Variants in DENND2D observed in about 807,000 individuals in gnomAD.
The protein encoded by DENND2D is DENN domain containing 2D.
In DENND2D, 37 loss-of-function variants were observed where a neutral mutation model predicts 59.8. The ratio of observed to expected loss-of-function variants is 0.62; its 90% confidence interval spans 0.48 to 0.81. The LOEUF (loss-of-function observed/expected upper bound fraction) is 0.81. Among genes scored for constraint, DENND2D ranks in the 40% least tolerant of loss-of-function variants. DENND2D has a pLI of 0.00. For synonymous variants in DENND2D, 219 were observed against 211.3 expected, an observed-to-expected ratio of 1.04 and a Z score of -0.31; for missense variants, 525 against 579.7, an observed-to-expected ratio of 0.91 and a Z score of 0.97.
At position 111,187,794 on chromosome 1, in the gene DENND2D, C is replaced by T. The variant is rs1424893458; in HGVS notation, c.1340-113G>A. 4.5e-6 allele frequency: 4 copies of T among 896,770 alleles called. No homozygotes were observed. In the African/African-American group the frequency reaches 6.7e-5, roughly 15 times the overall value. 55.6% of individuals were successfully genotyped at this position (896,770 alleles called of 1,614,324 possible). On this transcript the variant is annotated intron_variant, in intron 11 of 11. Coordinates refer to ENST00000357640, the MANE Select transcript of DENND2D (RefSeq NM_024901.5). ...TCTGCTCCCCATACTGCCATCCCTG[C>T]CAGGATGTCTCTGGCCTCACAGGTT...
chr1:111,186,939 C>A lies in DENND2D; in HGVS notation c.*666G>T, dbSNP rs527825625. Among the ~76,000 whole-genome samples, 1 of 152,138 alleles carries A rather than the reference C, an allele frequency of 6.6e-6. No homozygotes were observed. Among genetic ancestry groups the A allele is most frequent in the African/African-American group, 2.4e-5 (1 of 41,424 alleles). On this transcript the variant is annotated 3_prime_UTR_variant, in exon 12 of 12. Coordinates refer to ENST00000357640, the MANE Select transcript of DENND2D (RefSeq NM_024901.5). ...TCCTCCCAGGATTCTGGAAAGCACA[C>A]CTGACTCCAAACCAAGGACTTAGAT...
chr1:111,186,240 G>A lies in DENND2D; in HGVS notation c.*1365C>T, dbSNP rs568600390. On this transcript the variant is annotated 3_prime_UTR_variant, in exon 12 of 12. Coordinates refer to ENST00000357640, the MANE Select transcript of DENND2D (RefSeq NM_024901.5). ...TTTTCACAAGATTCTCAGGATTCCA[G>A]TTCCTGTTCTGAAACCTTTGGAGGT... 1.3e-5 allele frequency among the ~76,000 whole-genome samples: 2 copies of A among 152,220 alleles called. No homozygotes were observed. Among genetic ancestry groups the A allele is most frequent in the Admixed American group, 6.5e-5 (1 of 15,290 alleles).
intron 2 of DENND2D, 93 bp downstream of exon 2, chr1:111,199,530 G>T: frequency 1.4e-6 from 2 of 1,438,460 alleles, no homozygotes; most frequent in Non-Finnish European, 9.4e-7. Flanking sequence ...TCAAGCCCCG[G>T]TAGGGTAGGG....
At chr1:111,188,584 A>C in intron 10 of DENND2D, 118 bp downstream of exon 10, 1 of 1,178,746 alleles carries the variant, frequency 8.5e-7, no homozygotes, top group Admixed American at 2.1e-5. Flanking sequence ...CCTAGGTTCT[A>C]GGCCTCTAGG....
intron 1 of DENND2D, 143 bp from the exon 2 acceptor site, chr1:111,199,941 A>C: frequency 9.2e-7 from 1 of 1,089,288 alleles, no homozygotes; most frequent in Non-Finnish European, 1.3e-6. Flanking sequence ...ACCACCAGTC[A>C]CTCAGGATCA....
intron 5 of DENND2D, 29 bp downstream of exon 5, chr1:111,197,147 G>A (rs779339598): frequency 2.2e-5 from 17 of 769,012 alleles, no homozygotes; most frequent in Non-Finnish European, 3.0e-5. Context: ...CCTGGAATAT[G>A]GGCAGGCCCT....
rs574005558 is a variant in DENND2D at position 111,191,678 on chromosome 1, T to C, written c.972+462A>G. On this transcript the variant is annotated intron_variant, in intron 8 of 11. Coordinates refer to ENST00000357640, the MANE Select transcript of DENND2D (RefSeq NM_024901.5). ...GACTTGCTGCAAAAATCTGCATTTTTAAGACTCATAGTTTGCCAGAGGGCC... is the reference window on the plus strand; with the variant it reads ...GACTTGCTGCAAAAATCTGCATTTTCAAGACTCATAGTTTGCCAGAGGGCC... Among the ~76,000 whole-genome samples, 19 of 152,362 alleles carry C rather than the reference T, an allele frequency of 1.2e-4. No homozygotes were observed. The South Asian group carries it at 1.7e-3, about 13-fold the overall frequency.
intron 11 of DENND2D, among the ~76,000 whole-genome samples, 146 bp downstream of exon 11, chr1:111,187,978 TAGGTTTC>T (rs1180109876): frequency 6.6e-6 from 1 of 152,238 alleles, no homozygotes; most frequent in African/African-American, 2.4e-5. Context: ...GACATTTTCT[TAGGTTTC>T]AGGTTATGTC....
chr1:111,186,730 A>C lies in DENND2D; in HGVS notation c.*875T>G, dbSNP rs1451153245. ...AAAGAATTGGACTGTGCTGCTCAAA[A>C]TAAAGATCAGTTGGAGGTAGGATGT... On this transcript the variant is annotated 3_prime_UTR_variant, in exon 12 of 12. Coordinates refer to ENST00000357640, the MANE Select transcript of DENND2D (RefSeq NM_024901.5). Among the ~76,000 whole-genome samples the C allele has an allele frequency of 6.6e-6, 1 of 152,204 alleles. No individual in the cohort carries two copies. Among genetic ancestry groups the C allele is most frequent in the Non-Finnish European group, 1.5e-5 (1 of 68,034 alleles).
In DENND2D at chr1:111,193,964, T is replaced by G. The variant is rs74121060; in HGVS notation, c.794+614A>C. On this transcript the variant is annotated intron_variant, in intron 7 of 11. Coordinates refer to ENST00000357640, the MANE Select transcript of DENND2D (RefSeq NM_024901.5). ...AGGTACCTAATGTGCATTATTTCATTTAATCCTCACCACAACCTTATGAGG... is the reference window on the plus strand; with the variant it reads ...AGGTACCTAATGTGCATTATTTCATGTAATCCTCACCACAACCTTATGAGG... Among the ~76,000 whole-genome samples, 1,003 of 152,332 alleles carry G rather than the reference T, an allele frequency of 6.6e-3. 14 individuals are homozygous for G. Among genetic ancestry groups the G allele is most frequent in the African/African-American group, 0.023 (943 of 41,566 alleles).
rs1251991977 is a variant in DENND2D at position 111,186,636 on chromosome 1, A to C, written c.*969T>G. Among the ~76,000 whole-genome samples the C allele has an allele frequency of 1.3e-5, 2 of 152,120 alleles. No homozygotes were observed. The highest frequency in any genetic ancestry group is 2.9e-5 in the Non-Finnish European group (2 of 68,024). ...CTAGGTGACCACTAAACTCCTTCAG[A>C]CTCTTAAAATTACGATTCTTTTCTC... On this transcript the variant is annotated 3_prime_UTR_variant, in exon 12 of 12. Transcript: ENST00000357640.
upstream of DENND2D, chr1:111,200,757 G>T: frequency 8.3e-7 from 1 of 1,210,034 alleles, no homozygotes; most frequent in South Asian, 1.6e-5. Context: ...GAGAGAAAAG[G>T]TCATGAGCAA....
chr1:111,197,773 C>G, intron 4 of DENND2D, 147 bp downstream of exon 4: 1 of 1,454,652 alleles, frequency 6.9e-7, no homozygotes, highest in Non-Finnish European at 9.1e-7. Flanking sequence ...AGAGGGAGCA[C>G]TAGCATGGCA....
rs748122243 is a variant in DENND2D at position 111,198,643 on chromosome 1, T to C, written c.343A>G (p.Thr115Ala). ...FPDGNEWASL[T>A]EYPRETFSFV... ...CTGAGCAATTACCTGGGATACTCGGTGAGTGATGCCCACTCATTCCCATCT... is the reference window on the plus strand; with the variant it reads ...CTGAGCAATTACCTGGGATACTCGGCGAGTGATGCCCACTCATTCCCATCT... Residue 115 changes from threonine to alanine, a missense_variant, in exon 3 of 12, where the codon ACC becomes GCC. Physicochemically the swap from Thr to Ala is moderately conservative, Grantham distance 58. Transcript: ENST00000357640. 1 of 1,614,100 alleles carries C rather than the reference T, an allele frequency of 6.2e-7. No homozygotes were observed. The highest frequency in any genetic ancestry group is 8.5e-7 in the Non-Finnish European group (1 of 1,180,002).
intron 8 of DENND2D, among the ~76,000 whole-genome samples, chr1:111,189,713 G>C (rs1657553471): frequency 6.6e-6 from 1 of 152,148 alleles, no homozygotes; most frequent in African/African-American, 2.4e-5. Flanking sequence ...ATACTATGCT[G>C]CTAATAAGAG....
chr1:111,188,729 G>T lies in DENND2D; in HGVS notation c.1072C>A (p.Leu358Ile). The T allele has an allele frequency of 6.2e-7, 1 of 1,614,096 alleles. No homozygotes were observed. The highest frequency in any genetic ancestry group is 8.5e-7 in the Non-Finnish European group (1 of 1,179,990). The change falls in exon 10 of 12, where the codon CTT (leucine) becomes ATT (isoleucine). Residue 358 changes from leucine (L) to isoleucine (I), a missense_variant. By Grantham distance (5) the Leu-to-Ile change is conservative (BLOSUM62 2). This residue lies in a region of DENND2D where 225 missense variants were observed against 252.4 expected (regional missense o/e 0.89). Transcript: ENST00000357640. ...TTTAACTCATTGATCCCCTGACCAA[G>T]AGAGTCTAAGATGTCATCCTGAAGC... ...PKLQDDILDS[L>I]GQGINELKTA...
At chr1:111,203,628 G>T (rs887206526), upstream of DENND2D, among the ~76,000 whole-genome samples, 7 of 152,236 alleles carry the variant, frequency 4.6e-5, no homozygotes, top group African/African-American at 1.7e-4. Context: ...AATCCTGGAC[G>T]GGGGAATTAT....
At chr1:111,191,384 C>G (rs912181142) in intron 8 of DENND2D, among the ~76,000 whole-genome samples, 4 of 152,158 alleles carry the variant, frequency 2.6e-5, no homozygotes, top group African/African-American at 9.7e-5. Context: ...ATGGTTATGG[C>G]CAGGGCAGAC....
rs1163386344 is a variant in DENND2D at position 111,194,610 on chromosome 1, C to T, written c.762G>A (p.Glu254=). 6.2e-7 allele frequency: 1 copy of T among 1,614,092 alleles called. No homozygotes were observed. The highest frequency in any genetic ancestry group is 8.5e-7 in the Non-Finnish European group (1 of 1,180,028). Residue 254 remains glutamate, a synonymous_variant, in exon 7 of 12, where the codon GAG becomes GAA. Coordinates refer to ENST00000357640, the MANE Select transcript of DENND2D (RefSeq NM_024901.5). ...CTTCCGCCAGGAAGATGATTTTTCT[C>T]TCCAGCACGGCAGAGGCAAAGATCT... The part of the protein sequence containing the change: ...ILQIFASAVL[E]RKIIFLAEGL...
Sources: gnomAD v4.1 joint callset for allele counts (sites outside exome capture counted in the v4.1 genomes callset) on GRCh38, gnomAD v4.1.1 for gene constraint, gnomAD v4.1.1 regional missense constraint, MANE v1.5 for transcripts, NCBI Gene and HGNC (gene_info 2026-07-23, HGNC 2026-07-21) for gene names.